Variants in TRIM8 observed in about 807,000 individuals in gnomAD.
TRIM8 encodes the protein E3 ubiquitin-protein ligase TRIM8.
TRIM8 carries 9 observed loss-of-function variants against 55.7 expected under a neutral mutation model. The observed-to-expected ratio is 0.16, with a 90% CI of 0.10 to 0.28. TRIM8 has a LOEUF of 0.28. Among genes scored for constraint, TRIM8 ranks in the 10% least tolerant of loss-of-function variants. TRIM8 has a pLI of 1.00. For missense variants in TRIM8, 556 were observed against 736.4 expected, an observed-to-expected ratio of 0.76 and a Z score of 2.83; for synonymous variants, 335 against 333.3, an observed-to-expected ratio of 1.01 and a Z score of -0.06.
chr10:102,649,995 A>G (rs1041928985), intron 1 of TRIM8, among the ~76,000 whole-genome samples: 2 of 152,044 alleles, frequency 1.3e-5, no homozygotes, highest in Admixed American at 6.5e-5. Flanking sequence ...GGACCTAAGC[A>G]GGAAGAGGCT....
chr10:102,653,668 G>A (rs1769190504), intron 1 of TRIM8: 1 of 152,244 alleles, frequency 6.6e-6, no homozygotes, highest in Non-Finnish European at 1.5e-5. Flanking sequence ...TTTCTGCCTG[G>A]GTCCCACTGA....
At chr10:102,654,893 G>C in intron 2 of TRIM8, 145 bp downstream of exon 2, 1 of 906,836 alleles carries the variant, frequency 1.1e-6, no homozygotes, top group Non-Finnish European at 1.8e-6. Flanking sequence ...GATGCCCACT[G>C]GTGCCAGGGG....
chr10:102,655,350 A>C (rs1257497900), intron 3 of TRIM8, 37 bp downstream of exon 3: 4 of 1,580,750 alleles, frequency 2.5e-6, no homozygotes, highest in African/African-American at 1.4e-5. Flanking sequence ...TGGCACCCAG[A>C]GGGCCATTTC....
intron 1 of TRIM8, chr10:102,654,311 C>T (rs549093879): frequency 5.0e-6 from 1 of 199,582 alleles, no homozygotes; most frequent in Non-Finnish European, 1.0e-5. Context: ...GTGGCGCACG[C>T]CTGTAATCCC....
chr10:102,656,669 C>G lies in TRIM8; in HGVS notation c.1049-78C>G. 6.6e-7 allele frequency: 1 copy of G among 1,506,180 alleles called. No homozygotes were observed. Among genetic ancestry groups the G allele is most frequent in the African/African-American group, 1.4e-5 (1 of 71,528 alleles). 93.3% of individuals were successfully genotyped at this position (1,506,180 alleles called of 1,614,324 possible). ...TTGGGCCTCTAGGTGTCAATGGTCC[C>G]CAGGTCCAACCCAGGGAGAGGAGGC... On this transcript the variant is annotated intron_variant, in intron 5 of 5. Coordinates refer to ENST00000643721, the MANE Select transcript of TRIM8 (RefSeq NM_030912.3). The surrounding 1 kb of genome is among the most constrained non-coding windows in gnomAD (Gnocchi z 4.6).
chr10:102,644,807 G>T lies in TRIM8; in HGVS notation c.190G>T (p.Gly64Cys), dbSNP rs770405178. 8.7e-6 allele frequency: 14 copies of T among 1,613,136 alleles called. No individual in the cohort carries two copies. In the Admixed American group the frequency reaches 2.2e-4, roughly 25 times the overall value. Residue 64 changes from glycine (G) to cysteine (C), a missense_variant, in exon 1 of 6, where the codon GGC becomes TGC. Coordinates refer to ENST00000643721, the MANE Select transcript of TRIM8 (RefSeq NM_030912.3). The stretch of plus-strand genomic sequence containing the variant: ...CAACCAGGCCTACAACCAGAAGCCG[G>T]GCCTGGAGAAGAACCTGAAGCTCAC... ...ECNQAYNQKP[G>C]LEKNLKLTNI...
chr10:102,654,848 A>T, intron 2 of TRIM8, 100 bp downstream of exon 2: 1 of 1,012,778 alleles, frequency 9.9e-7, no homozygotes, highest in Non-Finnish European at 1.6e-6. Context: ...CCTATGCCAG[A>T]ACCACTCCAT....
chr10:102,648,744 TC>T (rs2063956050), intron 1 of TRIM8, among the ~76,000 whole-genome samples: 1 of 152,152 alleles, frequency 6.6e-6, no homozygotes, highest in African/African-American at 2.4e-5. Context: ...CTGCTCCCTC[TC>T]CCTACAGCAG....
rs767776793 is a variant in TRIM8 at position 102,644,874 on chromosome 10, C to T, written c.257C>T (p.Pro86Leu). 3.4e-5 allele frequency: 55 copies of T among 1,611,514 alleles called. No individual in the cohort carries two copies. The highest frequency in any genetic ancestry group is 1.2e-4 in the Admixed American group (7 of 59,908). ...EKFNALHVEK[P>L]PAALHCVFCR... The stretch of plus-strand genomic sequence containing the variant: ...TTCAATGCCCTGCACGTGGAGAAGC[C>T]GCCGGCGGCGCTGCACTGCGTGTTC... Residue 86 changes from proline to leucine, a missense_variant, in exon 1 of 6, where the codon CCG becomes CTG. Pro to Leu is a moderately conservative substitution (Grantham distance 98). Coordinates refer to ENST00000643721, the MANE Select transcript of TRIM8 (RefSeq NM_030912.3).
intron 1 of TRIM8, among the ~76,000 whole-genome samples, chr10:102,648,462 C>G (rs2063953542): frequency 6.6e-6 from 1 of 152,074 alleles, no homozygotes; most frequent in Non-Finnish European, 1.5e-5. Context: ...GGGCCCTGTT[C>G]CTTGCATTTT....
Position 102,645,207 on chromosome 10 carries a change from G to GCGCGCA in TRIM8, c.570+22_570+27dup. ...ATCCGGGCAAGTACCCTACGCGCGCGCGCGCACACACACACACACAGACAC... is the reference window on the plus strand; with the variant it reads ...ATCCGGGCAAGTACCCTACGCGCGCGCGCGCACGCGCACACACACACACACAGACAC... On this transcript the variant is annotated intron_variant, in intron 1 of 5. Coordinates refer to ENST00000643721, the MANE Select transcript of TRIM8 (RefSeq NM_030912.3). 6.6e-7 allele frequency: 1 copy of GCGCGCA among 1,518,224 alleles called. No homozygotes were observed. Among genetic ancestry groups the GCGCGCA allele is most frequent in the Non-Finnish European group, 8.8e-7 (1 of 1,140,056 alleles). The allele number at this position is 1,518,224 out of a possible 1,614,324, so 94.0% of individuals were successfully genotyped here.
chr10:102,656,281 G>T lies in TRIM8; in HGVS notation c.944G>T (p.Cys315Phe). The T allele has an allele frequency of 6.2e-7, 1 of 1,614,200 alleles. No homozygotes were observed. The highest frequency in any genetic ancestry group is 2.2e-5 in the East Asian group (1 of 44,878). ...VKILMDRTQT[C>F]TSSSLSPTKI... The stretch of plus-strand genomic sequence containing the variant: ...TCCACTGCCCCCAGGACCCAGACCT[G>T]CACGAGCAGCAGCCTTTCCCCCACT... The change falls in exon 5 of 6, where the codon TGC becomes TTC. Residue 315 changes from cysteine to phenylalanine, a missense_variant. By Grantham distance (205) the Cys-to-Phe change is radical. Coordinates refer to ENST00000643721, the MANE Select transcript of TRIM8 (RefSeq NM_030912.3). The surrounding 1 kb of genome is among the most constrained non-coding windows in gnomAD (Gnocchi z 4.6).
chr10:102,647,653 G>T (rs1037088257), intron 1 of TRIM8, among the ~76,000 whole-genome samples: 3 of 152,172 alleles, frequency 2.0e-5, no homozygotes, highest in African/African-American at 4.8e-5. Context: ...CCCGGAGGGA[G>T]TCTGCCTTAA....
chr10:102,648,593 G>A (rs184488314), intron 1 of TRIM8, among the ~76,000 whole-genome samples: 110 of 152,230 alleles, frequency 7.2e-4, no homozygotes, highest in African/African-American at 2.5e-3. Flanking sequence ...GGCTGGAGGG[G>A]TCACCCTGAG....
rs1229121058 is a variant in TRIM8, at chr10:102,655,235, G to A, written c.822G>A (p.Glu274=). ...ENAAQALHLG[E]RMQEAKKLLG... ...CAGCGCAGGCGCTGCACCTCGGGGAGCGCATGCAGGAGGCCAAGAAGCTGC... is the reference window on the plus strand; with the variant it reads ...CAGCGCAGGCGCTGCACCTCGGGGAACGCATGCAGGAGGCCAAGAAGCTGC... The change falls in exon 3 of 6, where the codon GAG becomes GAA. Residue 274 remains glutamate, a synonymous_variant. Coordinates refer to ENST00000643721, the MANE Select transcript of TRIM8 (RefSeq NM_030912.3). 1.2e-6 allele frequency: 2 copies of A among 1,602,130 alleles called. No individual in the cohort carries two copies. Among genetic ancestry groups the A allele is most frequent in the Non-Finnish European group, 1.7e-6 (2 of 1,176,890 alleles).
chr10:102,649,923 A>C (rs1025615178), intron 1 of TRIM8, among the ~76,000 whole-genome samples: 2 of 149,936 alleles, frequency 1.3e-5, no homozygotes, highest in Non-Finnish European at 3.0e-5. Flanking sequence ...GGAGTAGGGG[A>C]GGGTTAGGAT....
At chr10:102,652,550 G>A (rs1467900599) in intron 1 of TRIM8, among the ~76,000 whole-genome samples, 1 of 152,118 alleles carries the variant, frequency 6.6e-6, no homozygotes, top group Non-Finnish European at 1.5e-5. Context: ...ATCTCAGGCC[G>A]CCCAGGCCTT....
Position 102,644,920 on chromosome 10 carries a change from G to T in TRIM8, c.303G>T (p.Leu101=). ...HCVFCRRGPP[L]PAQKVCLRCE... Reference sequence around the variant, plus strand: ...TGTTCTGCCGCCGCGGCCCCCCGCTGCCCGCGCAGAAGGTCTGCCTGCGCT... The same window carrying T: ...TGTTCTGCCGCCGCGGCCCCCCGCTTCCCGCGCAGAAGGTCTGCCTGCGCT... Residue 101 remains leucine (L), a synonymous_variant, in exon 1 of 6, where the codon CTG becomes CTT. Coordinates refer to ENST00000643721, the MANE Select transcript of TRIM8 (RefSeq NM_030912.3). 1 of 1,605,416 alleles carries T rather than the reference G, an allele frequency of 6.2e-7. No individual in the cohort carries two copies. Among genetic ancestry groups the T allele is most frequent in the Non-Finnish European group, 8.5e-7 (1 of 1,176,334 alleles).
intron 1 of TRIM8, among the ~76,000 whole-genome samples, chr10:102,648,674 C>T (rs1432432941): frequency 1.3e-5 from 2 of 152,152 alleles, no homozygotes; most frequent in African/African-American, 2.4e-5. Flanking sequence ...TGAGGGCTGG[C>T]TCTACTGGGG....
Sources: allele counts gnomAD v4.1 joint callset (sites outside exome capture counted in the v4.1 genomes callset), GRCh38; gene constraint gnomAD v4.1.1; non-coding constraint Gnocchi (gnomAD v3.1); transcripts MANE v1.5; gene names NCBI Gene and HGNC (gene_info 2026-07-23, HGNC 2026-07-21).